ACOT12: variants seen among roughly 807,000 people sequenced by gnomAD.
The protein encoded by ACOT12 is acetyl-coenzyme A thioesterase.
A neutral mutation model predicts 67.7 loss-of-function variants in ACOT12; 51 were observed. The ratio of observed to expected loss-of-function variants is 0.75; its 90% CI spans 0.60 to 0.95. The LOEUF is 0.95. ACOT12 is among the 40% of genes least tolerant of loss of function. The probability of loss-of-function intolerance (pLI) is 0.00; values close to 1 mark genes in which losing one functional copy is unlikely to be tolerated. For missense variants in ACOT12, 734 were observed against 708.1 expected (o/e 1.04, Z -0.41); for synonymous variants, 251 against 244.6 (o/e 1.03, Z -0.24).
intron 3 of ACOT12, among the ~76,000 whole-genome samples, chr5:81,365,121 G>A (rs1022981737): frequency 1.3e-5 from 2 of 152,212 alleles, no homozygotes; most frequent in Admixed American, 6.5e-5. Flanking sequence ...GTAAACTCAG[G>A]TACTTGTCTT....
chr5:81,346,537 A>G (rs1759387091), intron 6 of ACOT12, among the ~76,000 whole-genome samples: 1 of 152,252 alleles, frequency 6.6e-6, no homozygotes, highest in African/African-American at 2.4e-5. Context: ...TTTTGTGTGT[A>G]TGACACTTTG....
In ACOT12 at chr5:81,380,726, T is replaced by C. The variant is rs191059159; in HGVS notation, c.197+5031A>G. 5.7e-4 allele frequency among the ~76,000 whole-genome samples: 87 copies of C among 152,278 alleles called. No individual in the cohort carries two copies. The East Asian group carries it at 0.013, about 23-fold the overall frequency. On this transcript the variant is annotated intron_variant, in intron 2 of 14. Coordinates refer to ENST00000307624, the MANE Select transcript of ACOT12 (RefSeq NM_130767.3). Reference sequence around the variant, plus strand: ...TCAGTGGAGGGCCAGTTGAAAAATGTAGTGCGTCTCCACAATGGAGTACTA... The same window carrying C: ...TCAGTGGAGGGCCAGTTGAAAAATGCAGTGCGTCTCCACAATGGAGTACTA...
chr5:81,353,474 A>T (rs1486262147), intron 5 of ACOT12, among the ~76,000 whole-genome samples: 2 of 152,192 alleles, frequency 1.3e-5, no homozygotes, highest in Admixed American at 6.5e-5. Context: ...TTCACTCTAC[A>T]TTTGTAGATC....
intron 3 of ACOT12, 86 bp downstream of exon 3, chr5:81,371,664 T>C: frequency 1.5e-6 from 2 of 1,313,364 alleles, no homozygotes; most frequent in South Asian, 2.4e-5. Flanking sequence ...TAACTCCAAA[T>C]ATTAGTCTAG....
chr5:81,312,447 A>G, the ACOT12 span: 18 of 880,446 alleles, frequency 2.0e-5, no homozygotes, highest in African/African-American at 1.5e-4. Flanking sequence ...GTGATTATTC[A>G]TATCAAAATG....
intron 4 of ACOT12, among the ~76,000 whole-genome samples, chr5:81,361,344 G>A (rs774938276): frequency 4.0e-5 from 6 of 151,730 alleles, no homozygotes; most frequent in African/African-American, 1.2e-4. Context: ...GCAGGCAAAC[G>A]TCACTATGCC....
At position 81,371,377 on chromosome 5, in the gene ACOT12, T is replaced by C. The variant is rs190399110; in HGVS notation, c.258+373A>G. ...AAGCAATCCGCCCACCTCCGTCTCC[T>C]GAGTACCCAGGGCTACAGGCACTTA... On this transcript the variant is annotated intron_variant, in intron 3 of 14. Coordinates refer to ENST00000307624, the MANE Select transcript of ACOT12 (RefSeq NM_130767.3). Among the ~76,000 whole-genome samples, 10 of 152,214 alleles carry C rather than the reference T, an allele frequency of 6.6e-5. No individual in the cohort carries two copies. In the East Asian group the frequency reaches 1.4e-3, roughly 21 times the overall value.
At chr5:81,337,314 C>G (rs1759036071) in intron 11 of ACOT12, among the ~76,000 whole-genome samples, 2 of 152,192 alleles carry the variant, frequency 1.3e-5, no homozygotes, top group Admixed American at 1.3e-4. Flanking sequence ...ATGCTCCATT[C>G]TGGTGGAACA....
chr5:81,375,177 G>A (rs1760372800), intron 2 of ACOT12, among the ~76,000 whole-genome samples: 1 of 152,078 alleles, frequency 6.6e-6, no homozygotes, highest in African/African-American at 2.4e-5. Context: ...AGAGAGTGGC[G>A]GCCAATATTC....
chr5:81,326,150 G>A (rs1365238144), downstream of ACOT12, among the ~76,000 whole-genome samples: 5 of 114,872 alleles, frequency 4.4e-5, no homozygotes, highest in East Asian at 7.6e-4. Flanking sequence ...TTTGTGAGTC[G>A]AAGTCTCGCC....
chr5:81,312,726 G>A, the ACOT12 span: 87,429 of 1,240,614 alleles, frequency 0.07, 3,387 homozygotes, highest in African/African-American at 0.1. Context: ...CCCGCTTCAC[G>A]AGTTAGAGTT....
intron 5 of ACOT12, among the ~76,000 whole-genome samples, chr5:81,354,303 G>A (rs562398777): frequency 2.6e-5 from 4 of 152,314 alleles, no homozygotes; most frequent in South Asian, 2.1e-4. Context: ...AATTGCAATC[G>A]TTTTATCTCT....
Position 81,349,031 on chromosome 5 carries a change from T to C in ACOT12, c.497-1101A>G, listed in dbSNP as rs570469468. On this transcript the variant is annotated intron_variant, in intron 5 of 14. Transcript: ENST00000307624. ...TAGGTTTCCATCTCACATGCTATTG[T>C]TGGGAAGGAGGGGGAAAGGATTTAC... Among the ~76,000 whole-genome samples, 65 of 152,312 alleles carry C rather than the reference T, an allele frequency of 4.3e-4. 1 individual carries two copies. Among genetic ancestry groups the C allele is most frequent in the African/African-American group, 1.5e-3 (63 of 41,570 alleles).
At chr5:81,386,980 A>G (rs1322984505) in intron 1 of ACOT12, among the ~76,000 whole-genome samples, 3 of 142,466 alleles carry the variant, frequency 2.1e-5, no homozygotes, top group African/African-American at 7.9e-5. Context: ...CCAGACACTG[A>G]GTTGGATGAG....
chr5:81,364,315 A>T (rs1302327841), intron 3 of ACOT12, among the ~76,000 whole-genome samples: 1 of 151,432 alleles, frequency 6.6e-6, no homozygotes, highest in Non-Finnish European at 1.5e-5. Context: ...ATAATATCAT[A>T]TTACATAATA....
intron 2 of ACOT12, among the ~76,000 whole-genome samples, chr5:81,375,866 T>C (rs1760395898): frequency 6.6e-6 from 1 of 152,108 alleles, no homozygotes; most frequent in Admixed American, 6.6e-5. Flanking sequence ...ACAAAGAGAC[T>C]TAGACTCCCA....
chr5:81,345,044 G>A lies in ACOT12; in HGVS notation c.774-3C>T. ...CCACGCGAACTCCAACTTCAACACTGTGAAGGGTGATGCAGGGCGGTGGGC... is the reference window on the plus strand; with the variant it reads ...CCACGCGAACTCCAACTTCAACACTATGAAGGGTGATGCAGGGCGGTGGGC... On this transcript the variant is annotated splice_polypyrimidine_tract_variant and splice_region_variant and intron_variant, in intron 7 of 14. Transcript: ENST00000307624. 1 of 1,613,964 alleles carries A rather than the reference G, an allele frequency of 6.2e-7. No homozygotes were observed. The highest frequency in any genetic ancestry group is 8.5e-7 in the Non-Finnish European group (1 of 1,179,952).
intron 11 of ACOT12, among the ~76,000 whole-genome samples, chr5:81,336,856 A>G (rs942849808): frequency 1.3e-5 from 2 of 152,218 alleles, no homozygotes; most frequent in African/African-American, 4.8e-5. Context: ...AAACATAAAT[A>G]TCATCAATAA....
At chr5:81,312,788 T>G in the ACOT12 span, 2 of 651,338 alleles carry the variant, frequency 3.1e-6, no homozygotes, top group Non-Finnish European at 5.3e-6. Flanking sequence ...GATCTGGGTG[T>G]GGCCAAAAAC....
Sources: allele counts gnomAD v4.1 joint callset (sites outside exome capture counted in the v4.1 genomes callset), GRCh38; gene constraint gnomAD v4.1.1; transcripts MANE v1.5; gene names NCBI Gene and HGNC (gene_info 2026-07-23, HGNC 2026-07-21).